Variants in RHOU observed in about 807,000 individuals in gnomAD.
RHOU encodes ras homolog family member U, also known as rho-related GTP-binding protein RhoU.
In RHOU, 8 loss-of-function variants were observed where a neutral mutation model predicts 12.6. That is an observed-to-expected ratio of 0.64 (90% CI 0.37 to 1.15). The LOEUF is 1.15. Among genes scored for constraint, RHOU ranks in the 50% most tolerant of loss-of-function variants. The pLI, the probability that RHOU is intolerant of heterozygous loss-of-function variation, is 0.01. For synonymous variants in RHOU, 161 were observed against 147.4 expected (o/e 1.09, Z -0.67); for missense variants, 258 against 347.0 (o/e 0.74, Z 2.04).
rs1246321536 is a variant in RHOU, at chr1:228,735,955, C to T, written c.213C>T (p.Thr71=). The part of the protein sequence containing the change: ...GKTSLVVSYT[T]NGYPTEYIPT... ...CGAGCCTGGTGGTGAGCTACACCAC[C>T]AACGGCTACCCCACCGAGTACATCC... Residue 71 remains threonine, a synonymous_variant, in exon 1 of 3, where the codon ACC becomes ACT. Coordinates refer to ENST00000366691, the MANE Select transcript of RHOU (RefSeq NM_021205.6). The surrounding 1 kb of genome is among the most constrained non-coding windows in gnomAD (Gnocchi z 8.1). 1.9e-6 allele frequency: 3 copies of T among 1,583,260 alleles called. No individual in the cohort carries two copies. Among genetic ancestry groups the T allele is most frequent in the Non-Finnish European group, 2.6e-6 (3 of 1,168,590 alleles).
chr1:228,712,084 G>A, the RHOU span, among the ~76,000 whole-genome samples: 8 of 149,808 alleles, frequency 5.3e-5, no homozygotes, highest in Non-Finnish European at 7.4e-5. Context: ...GGCCATCAGA[G>A]AAATGCAAAT....
chr1:228,708,248 A>C, the RHOU span, among the ~76,000 whole-genome samples: 1 of 152,198 alleles, frequency 6.6e-6, no homozygotes, highest in Non-Finnish European at 1.5e-5. Flanking sequence ...GGTATTATCC[A>C]GGAGAACTTC....
the RHOU span, among the ~76,000 whole-genome samples, chr1:228,703,776 C>A: frequency 6.6e-6 from 1 of 152,096 alleles, no homozygotes; most frequent in Non-Finnish European, 1.5e-5. Flanking sequence ...AACACTGTAT[C>A]CAGGATAGCT....
At chr1:228,659,104 C>A in the RHOU span, among the ~76,000 whole-genome samples, 4 of 152,114 alleles carry the variant, frequency 2.6e-5, no homozygotes, top group African/African-American at 9.7e-5. Flanking sequence ...AAAAGCCGAG[C>A]GTCATGGCTC....
upstream of RHOU, among the ~76,000 whole-genome samples, chr1:228,731,137 G>C (rs890920497): frequency 6.6e-6 from 1 of 152,154 alleles, no homozygotes; most frequent in African/African-American, 2.4e-5. Context: ...GAAGAGTTTT[G>C]TGAACTGGGG....
the RHOU span, among the ~76,000 whole-genome samples, chr1:228,649,499 A>G: frequency 6.6e-6 from 1 of 152,222 alleles, no homozygotes; most frequent in Non-Finnish European, 1.5e-5. Flanking sequence ...AGCGCTTAAA[A>G]GGGTTAAGGG....
the RHOU span, among the ~76,000 whole-genome samples, chr1:228,693,407 A>T: frequency 6.6e-6 from 1 of 152,212 alleles, no homozygotes; most frequent in African/African-American, 2.4e-5. Context: ...ATTAACACAC[A>T]TTCAAGGAAA....
chr1:228,685,839 C>T, the RHOU span, among the ~76,000 whole-genome samples: 6 of 151,990 alleles, frequency 3.9e-5, no homozygotes, highest in African/African-American at 1.5e-4. Flanking sequence ...TTTTGTCTAC[C>T]GACTCCTTTC....
At chr1:228,661,411 G>A in the RHOU span, among the ~76,000 whole-genome samples, 5 of 152,076 alleles carry the variant, frequency 3.3e-5, no homozygotes, top group Admixed American at 2.0e-4. Context: ...GAGGCATCAC[G>A]CTACCTGACT....
chr1:228,736,416 C>G (rs1256089291), intron 1 of RHOU, among the ~76,000 whole-genome samples: 2 of 152,140 alleles, frequency 1.3e-5, no homozygotes, highest in Admixed American at 1.3e-4. Flanking sequence ...CAGAAGGTGA[C>G]GCGCAGGTGC....
the RHOU span, among the ~76,000 whole-genome samples, chr1:228,660,552 A>T: frequency 1.3e-5 from 2 of 151,886 alleles, no homozygotes; most frequent in Admixed American, 1.3e-4. Flanking sequence ...CCATATGAAG[A>T]TTGATGTATA....
At chr1:228,650,659 G>A in the RHOU span, 4 of 478,170 alleles carry the variant, frequency 8.4e-6, no homozygotes, top group East Asian at 5.6e-5. Flanking sequence ...TGTAAAACTC[G>A]TTTCACTCGT....
At chr1:228,686,743 G>A in the RHOU span, among the ~76,000 whole-genome samples, 3 of 152,242 alleles carry the variant, frequency 2.0e-5, no homozygotes, top group East Asian at 3.9e-4. Context: ...CAAAAAGCAA[G>A]GGAGAATTTT....
the RHOU span, among the ~76,000 whole-genome samples, chr1:228,658,996 G>A: frequency 3.9e-5 from 6 of 152,172 alleles, no homozygotes; most frequent in Non-Finnish European, 8.8e-5. Context: ...GAATGAAAAT[G>A]AAAACACAGT....
chr1:228,697,659 G>C, the RHOU span, among the ~76,000 whole-genome samples: 1 of 152,198 alleles, frequency 6.6e-6, no homozygotes, highest in Non-Finnish European at 1.5e-5. Flanking sequence ...GATGAGGGAA[G>C]ACCCACAACC....
At chr1:228,711,829 A>G in the RHOU span, among the ~76,000 whole-genome samples, 4 of 146,876 alleles carry the variant, frequency 2.7e-5, no homozygotes, top group African/African-American at 1.0e-4. Flanking sequence ...TAAACTAAAG[A>G]GCTTCTGCAC....
At position 228,738,340 on chromosome 1, in the gene RHOU, G is replaced by A. The variant is rs1477199945; in HGVS notation, c.321+609G>A. Among the ~76,000 whole-genome samples the A allele has an allele frequency of 1.3e-5, 2 of 152,160 alleles. No individual in the cohort carries two copies. Among genetic ancestry groups the A allele is most frequent in the Non-Finnish European group, 2.9e-5 (2 of 68,032 alleles). Reference sequence around the variant, plus strand: ...TTCTTGTCTCGAGGGCTGGGCCCTTGGAGGAAATAGCCAGGGAGTGTAGGG... The same window carrying A: ...TTCTTGTCTCGAGGGCTGGGCCCTTAGAGGAAATAGCCAGGGAGTGTAGGG... On this transcript the variant is annotated intron_variant, in intron 2 of 2. Coordinates refer to ENST00000366691, the MANE Select transcript of RHOU (RefSeq NM_021205.6). The surrounding 1 kb of genome is among the most constrained non-coding windows in gnomAD (Gnocchi z 4.2).
At chr1:228,692,257 T>A in the RHOU span, among the ~76,000 whole-genome samples, 7,541 of 152,278 alleles carry the variant, frequency 0.05, 643 homozygotes, top group African/African-American at 0.17. Flanking sequence ...CCAATGTGTG[T>A]TTTAATGAAA....
chr1:228,743,754 C>T lies in RHOU; in HGVS notation c.*14C>T. On this transcript the variant is annotated 3_prime_UTR_variant, in exon 3 of 3. Transcript: ENST00000366691. The surrounding 1 kb of genome is among the most constrained non-coding windows in gnomAD (Gnocchi z 5.1). ...TGTTTCGTATGATGCTGGCAAGACA[C>T]CCAGAAAGGCTATTTTCAGATGAAA... 1.3e-6 allele frequency: 2 copies of T among 1,589,348 alleles called. No homozygotes were observed. The highest frequency in any genetic ancestry group is 8.6e-7 in the Non-Finnish European group (1 of 1,168,422).
Sources: gnomAD v4.1 joint callset for allele counts (sites outside exome capture counted in the v4.1 genomes callset) on GRCh38, gnomAD v4.1.1 for gene constraint, Gnocchi (gnomAD v3.1) non-coding constraint, MANE v1.5 for transcripts, NCBI Gene and HGNC (gene_info 2026-07-23, HGNC 2026-07-21) for gene names.